GPR158: variants seen among roughly 807,000 people sequenced by gnomAD.
GPR158 encodes G protein-coupled receptor 158.
Under a neutral mutation model 78.2 loss-of-function variants are expected in GPR158, and 30 were observed. The ratio of observed to expected loss-of-function variants is 0.38; its 90% CI spans 0.29 to 0.52. GPR158 has a LOEUF of 0.52. Ranked by LOEUF, GPR158 falls within the 20% of genes least tolerant of loss-of-function variation. The pLI is 0.83. For missense variants in GPR158, 1,463 were observed against 1,523.5 expected (o/e 0.96, Z 0.66); for synonymous variants, 581 against 591.1 (o/e 0.98, Z 0.25).
In GPR158 at chr10:25,551,147, A is replaced by G; in HGVS notation, c.1514+62A>G. 1.8e-5 allele frequency: 17 copies of G among 940,858 alleles called. No homozygotes were observed. In the South Asian group the frequency reaches 2.2e-4, roughly 12 times the overall value. 58.3% of individuals were successfully genotyped at this position (940,858 alleles called of 1,614,324 possible). A position where few individuals can be genotyped will look rare whatever the true frequency, so the allele number is the denominator to read the frequency against. ...GATCAAACTAATCAGCTTGGCACAT[A>G]ATTGTTAGCTGGGCTGACCACTTAA... On this transcript the variant is annotated intron_variant, in intron 6 of 10. Coordinates refer to ENST00000376351, the MANE Select transcript of GPR158 (RefSeq NM_020752.3).
At chr10:25,227,955 A>G (rs527494169) in intron 2 of GPR158, among the ~76,000 whole-genome samples, 2 of 152,340 alleles carry the variant, frequency 1.3e-5, no homozygotes, top group African/African-American at 4.8e-5. Context: ...TTCTAATGTG[A>G]TATTGGTAGG....
At chr10:25,303,446 G>C (rs2130451564) in intron 2 of GPR158, among the ~76,000 whole-genome samples, 1 of 152,266 alleles carries the variant, frequency 6.6e-6, no homozygotes, top group South Asian at 2.1e-4. Context: ...AGAGGAAGAT[G>C]ATACAGATCA....
intron 1 of GPR158, among the ~76,000 whole-genome samples, chr10:25,202,130 C>T (rs1004144721): frequency 6.6e-6 from 1 of 151,988 alleles, no homozygotes; most frequent in South Asian, 2.1e-4. Context: ...GTTTGGTAGG[C>T]TTTTTATACT....
chr10:25,387,646 G>T (rs1369836225), intron 2 of GPR158, among the ~76,000 whole-genome samples: 1 of 151,778 alleles, frequency 6.6e-6, no homozygotes. Context: ...CTCCTGAGTA[G>T]CTGGGACTAC....
chr10:25,257,266 C>T (rs1177287360), intron 2 of GPR158, among the ~76,000 whole-genome samples: 3 of 152,184 alleles, frequency 2.0e-5, no homozygotes, highest in African/African-American at 7.2e-5. Context: ...TCCATTCCTG[C>T]AGGCTAAGCC....
intron 1 of GPR158, among the ~76,000 whole-genome samples, chr10:25,213,054 TTC>T (rs1436538022): frequency 6.6e-6 from 1 of 152,208 alleles, no homozygotes; most frequent in Non-Finnish European, 1.5e-5. Context: ...TTACTGAACT[TTC>T]TTATTCTCAT....
chr10:25,341,720 T>C, intron 2 of GPR158, among the ~76,000 whole-genome samples: 1 of 151,954 alleles, frequency 6.6e-6, no homozygotes, highest in Admixed American at 6.6e-5. Context: ...TTTTTTAGTA[T>C]TTTTTACACT....
At chr10:25,533,350 C>G (rs1019986256) in intron 5 of GPR158, among the ~76,000 whole-genome samples, 1 of 152,166 alleles carries the variant, frequency 6.6e-6, no homozygotes, top group Non-Finnish European at 1.5e-5. Flanking sequence ...AGTCTCTGCC[C>G]TCAATTTACT....
chr10:25,568,972 C>A (rs377640511), intron 6 of GPR158, among the ~76,000 whole-genome samples: 1 of 152,152 alleles, frequency 6.6e-6, no homozygotes, highest in Non-Finnish European at 1.5e-5. Flanking sequence ...TGCATGTCTA[C>A]ATATTCTTTT....
chr10:25,289,528 G>T (rs1468553130), intron 2 of GPR158, among the ~76,000 whole-genome samples: 4 of 152,020 alleles, frequency 2.6e-5, no homozygotes, highest in African/African-American at 7.2e-5. Flanking sequence ...TGCCTCCTGG[G>T]TTCACCCCAT....
chr10:25,539,521 A>AATT (rs72140601), intron 5 of GPR158, among the ~76,000 whole-genome samples: 5 of 141,450 alleles, frequency 3.5e-5, no homozygotes, highest in Admixed American at 2.1e-4. Context: ...ACCCCTTTTA[A>AATT]TTTTTTTTTT....
chr10:25,319,734 C>T (rs1854918160), intron 2 of GPR158, among the ~76,000 whole-genome samples: 1 of 152,028 alleles, frequency 6.6e-6, no homozygotes, highest in African/African-American at 2.4e-5. Flanking sequence ...ATGTAAAACA[C>T]TGAGAGTTTT....
At chr10:25,178,712 G>A (rs1417965870) in intron 1 of GPR158, among the ~76,000 whole-genome samples, 4 of 152,262 alleles carry the variant, frequency 2.6e-5, no homozygotes, top group Non-Finnish European at 4.4e-5. Flanking sequence ...GAGTGCTTTG[G>A]CCCCATATCC....
intron 2 of GPR158, among the ~76,000 whole-genome samples, chr10:25,288,307 G>T (rs921306892): frequency 1.3e-5 from 2 of 152,118 alleles, no homozygotes; most frequent in Non-Finnish European, 2.9e-5. Context: ...ATTAATCAGG[G>T]TACTTCAGAA....
At chr10:25,431,655 T>C (rs1834908130) in intron 4 of GPR158, among the ~76,000 whole-genome samples, 2 of 147,992 alleles carry the variant, frequency 1.4e-5, no homozygotes, top group African/African-American at 5.0e-5. Flanking sequence ...GTGGCACATA[T>C]ACACCATGGA....
At chr10:25,177,181 T>C (rs1852549236) in intron 1 of GPR158, among the ~76,000 whole-genome samples, 6 of 152,216 alleles carry the variant, frequency 3.9e-5, no homozygotes, top group Admixed American at 3.9e-4. Context: ...TGTCTCAAAC[T>C]ATAGCATTTG....
intron 2 of GPR158, among the ~76,000 whole-genome samples, chr10:25,273,400 C>CTTT (rs36068886): frequency 0.012 from 1,445 of 121,992 alleles, 38 homozygotes; most frequent in African/African-American, 0.039. Context: ...ACATTGGCAT[C>CTTT]TTTTTTTTTT....
intron 4 of GPR158, among the ~76,000 whole-genome samples, chr10:25,433,695 T>C (rs865805914): frequency 7.5e-6 from 1 of 133,528 alleles, no homozygotes; most frequent in African/African-American, 2.8e-5. Flanking sequence ...TCTTTCTTTC[T>C]TTTTTTTTTT....
At chr10:25,309,919 G>A (rs185020616) in intron 2 of GPR158, among the ~76,000 whole-genome samples, 21 of 151,764 alleles carry the variant, frequency 1.4e-4, no homozygotes, top group Admixed American at 3.3e-4. Flanking sequence ...CCCATCTTGA[G>A]TATGTCTTTA....
Sources: allele counts gnomAD v4.1 joint callset (sites outside exome capture counted in the v4.1 genomes callset), GRCh38; gene constraint gnomAD v4.1.1; transcripts MANE v1.5; gene names NCBI Gene and HGNC (gene_info 2026-07-23, HGNC 2026-07-21).